ADAMTS20: variants seen among roughly 807,000 people sequenced by gnomAD.
ADAMTS20 encodes A disintegrin and metalloproteinase with thrombospondin motifs 20.
In ADAMTS20, 225 loss-of-function variants were observed where a neutral mutation model predicts 260.1. The observed-to-expected ratio is 0.87, with a 90% confidence interval of 0.78 to 0.97. ADAMTS20 has a LOEUF of 0.97. Among genes scored for constraint, ADAMTS20 ranks in the 50% least tolerant of loss-of-function variants. ADAMTS20 has a pLI of 0.00. For missense variants in ADAMTS20, 2,400 were observed against 2,337.7 expected, an observed-to-expected ratio of 1.03 and a Z score of -0.55; for synonymous variants, 802 against 769.5, an observed-to-expected ratio of 1.04 and a Z score of -0.70.
At chr12:43,392,382 C>T (rs1276351668) in intron 29 of ADAMTS20, among the ~76,000 whole-genome samples, 1 of 152,002 alleles carries the variant, frequency 6.6e-6, no homozygotes, top group African/African-American at 2.4e-5. Context: ...TAATTTCCTA[C>T]AATTCAATAA....
At chr12:43,356,857 A>T (rs1004829568) in intron 37 of ADAMTS20, among the ~76,000 whole-genome samples, 1 of 152,164 alleles carries the variant, frequency 6.6e-6, no homozygotes, top group East Asian at 1.9e-4. Flanking sequence ...TTGACCCTTC[A>T]TTGCTAACTT....
rs374003098 is a variant in ADAMTS20, at chr12:43,502,229, T to C, written c.790A>G (p.Met264Val). Residue 264 changes from methionine (M) to valine (V), a missense_variant, in exon 4 of 39, where the codon ATG (methionine) becomes GTG (valine). Transcript: ENST00000389420. ...LISYPRYIEI[M>V]VTADAKVVSA... ...ACCACTTTAGCATCAGCTGTAACCATAATTTCAATGTATCTTGGATATGAT... is the reference window on the plus strand; with the variant it reads ...ACCACTTTAGCATCAGCTGTAACCACAATTTCAATGTATCTTGGATATGAT... 5 of 1,612,356 alleles carry C rather than the reference T, an allele frequency of 3.1e-6. No homozygotes were observed. The highest frequency in any genetic ancestry group is 4.2e-6 in the Non-Finnish European group (5 of 1,179,270).
chr12:43,475,649 T>C (rs1476633471), intron 7 of ADAMTS20, among the ~76,000 whole-genome samples: 3 of 151,326 alleles, frequency 2.0e-5, no homozygotes, highest in African/African-American at 4.9e-5. Context: ...AACAGAGATA[T>C]AGATCAATGG....
chr12:43,443,702 C>A, intron 16 of ADAMTS20, 89 bp downstream of exon 16: 1 of 1,020,492 alleles, frequency 9.8e-7, no homozygotes, highest in Non-Finnish European at 1.5e-6. Flanking sequence ...TAAAGGGACT[C>A]CTGTTTTCCA....
At chr12:43,508,789 G>C (rs575797108) in intron 3 of ADAMTS20, among the ~76,000 whole-genome samples, 19 of 152,100 alleles carry the variant, frequency 1.2e-4, no homozygotes, top group African/African-American at 4.6e-4. Context: ...TAGTTATTTT[G>C]AAATGTACAA....
In ADAMTS20 at chr12:43,505,579, A is replaced by G. The variant is rs576676407; in HGVS notation, c.614-3174T>C. 3.9e-5 allele frequency among the ~76,000 whole-genome samples: 6 copies of G among 152,342 alleles called. No individual in the cohort carries two copies. In the South Asian group the frequency reaches 8.3e-4, roughly 21 times the overall value. ...TAAAGAAATGCAAATCAAAACCACA[A>G]TATCACTTCACACCCATAAGAATGG... On this transcript the variant is annotated intron_variant, in intron 3 of 38. Transcript: ENST00000389420.
At chr12:43,411,416 G>C (rs959992311) in intron 28 of ADAMTS20, among the ~76,000 whole-genome samples, 1 of 152,154 alleles carries the variant, frequency 6.6e-6, no homozygotes, top group Non-Finnish European at 1.5e-5. Context: ...TGCCCAGGCT[G>C]GAGTTCAATG....
Position 43,383,876 on chromosome 12 carries a change from T to A in ADAMTS20, c.4554A>T (p.Arg1518=). Residue 1518 remains arginine (R), a synonymous_variant, in exon 30 of 39, where the codon CGA becomes CGT. Coordinates refer to ENST00000389420, the MANE Select transcript of ADAMTS20 (RefSeq NM_025003.5). ...VVEEMCDQST[R]PCSQRRCWSQ... is the part of the protein sequence containing the mutation. ...TCCAACATCGCCTCTGAGAACAAGG[T>A]CGGGTGGACTGATCACACATTTCTT... 1 of 1,613,884 alleles carries A rather than the reference T, an allele frequency of 6.2e-7. No individual in the cohort carries two copies. The highest frequency in any genetic ancestry group is 8.5e-7 in the Non-Finnish European group (1 of 1,179,832).
At chr12:43,354,377 T>C in intron 38 of ADAMTS20, 79 bp from the exon 39 acceptor site, 1 of 1,039,886 alleles carries the variant, frequency 9.6e-7, no homozygotes, top group Non-Finnish European at 1.4e-6. Context: ...AAGCAAATGC[T>C]TTGAATCATA....
intron 7 of ADAMTS20, among the ~76,000 whole-genome samples, chr12:43,470,663 G>A (rs1942238706): frequency 6.6e-6 from 1 of 152,142 alleles, no homozygotes; most frequent in African/African-American, 2.4e-5. Flanking sequence ...ACCCAATCTA[G>A]CCATCCTGAA....
At chr12:43,421,282 C>CACACACAA (rs368419833) in intron 28 of ADAMTS20, among the ~76,000 whole-genome samples, 1 of 118,892 alleles carries the variant, frequency 8.4e-6, no homozygotes. Context: ...CTTTCATTTA[C>CACACACAA]AAAAAAAAAA....
intron 28 of ADAMTS20, among the ~76,000 whole-genome samples, chr12:43,407,070 T>C (rs1940932768): frequency 6.6e-6 from 1 of 152,048 alleles, no homozygotes; most frequent in Non-Finnish European, 1.5e-5. Flanking sequence ...AAATGTCCTT[T>C]TTAACTTGTT....
intron 38 of ADAMTS20, among the ~76,000 whole-genome samples, chr12:43,355,067 A>AT (rs1205466908): frequency 6.6e-6 from 1 of 152,140 alleles, no homozygotes; most frequent in East Asian, 1.9e-4. Context: ...GGAAAAGGTA[A>AT]TTTTTTTAAA....
In ADAMTS20 at chr12:43,421,299, C is replaced by A. The variant is rs1400194710; in HGVS notation, c.4284+4215G>T. 2.7e-3 allele frequency among the ~76,000 whole-genome samples: 233 copies of A among 86,524 alleles called. 2 individuals carry two copies. Among genetic ancestry groups the A allele is most frequent in the African/African-American group, 5.5e-3 (118 of 21,300 alleles). 56.8% of individuals were successfully genotyped at this position (86,524 alleles called of 152,430 possible). Reference sequence around the variant, plus strand: ...TTCATTTACAAAAAAAAAAAAAAAACTTTCTCTTTTTTTGTGTGAGGAAAA... The same window carrying A: ...TTCATTTACAAAAAAAAAAAAAAAAATTTCTCTTTTTTTGTGTGAGGAAAA... On this transcript the variant is annotated intron_variant, in intron 28 of 38. Transcript: ENST00000389420.
At chr12:43,534,624 G>A (rs1943268754) in intron 2 of ADAMTS20, among the ~76,000 whole-genome samples, 2 of 152,006 alleles carry the variant, frequency 1.3e-5, no homozygotes, top group Non-Finnish European at 2.9e-5. Context: ...CTATGTGATG[G>A]CATCCCTTGA....
At chr12:43,430,861 T>C (rs1016722003) in intron 22 of ADAMTS20, among the ~76,000 whole-genome samples, 2 of 152,170 alleles carry the variant, frequency 1.3e-5, no homozygotes, top group African/African-American at 4.8e-5. Flanking sequence ...GAACAGCATA[T>C]AAAGTTAAAG....
intron 38 of ADAMTS20, among the ~76,000 whole-genome samples, chr12:43,356,270 A>G (rs1939740222): frequency 6.6e-6 from 1 of 152,204 alleles, no homozygotes; most frequent in Admixed American, 6.5e-5. Flanking sequence ...GGATTCATAA[A>G]TATACAAAAC....
intron 15 of ADAMTS20, among the ~76,000 whole-genome samples, chr12:43,445,320 G>A (rs760163792): frequency 1.3e-5 from 2 of 151,768 alleles, no homozygotes; most frequent in African/African-American, 2.4e-5. Context: ...TAATAAGTAT[G>A]TGCCATGCAT....
At chr12:43,530,821 G>A (rs1057263446) in intron 3 of ADAMTS20, among the ~76,000 whole-genome samples, 1 of 151,924 alleles carries the variant, frequency 6.6e-6, no homozygotes, top group Non-Finnish European at 1.5e-5. Context: ...ACTCTTTGTA[G>A]AAATCTATGC....
Sources: allele counts gnomAD v4.1 joint callset (sites outside exome capture counted in the v4.1 genomes callset), GRCh38; gene constraint gnomAD v4.1.1; transcripts MANE v1.5; gene names NCBI Gene and HGNC (gene_info 2026-07-23, HGNC 2026-07-21).